The following ADGRV1 variants were observed in gnomAD, a reference collection of about 807,000 sequenced individuals.
ADGRV1 encodes G-protein coupled receptor 98.
ADGRV1 carries 359 observed loss-of-function variants against 596.2 expected under a neutral mutation model. The observed-to-expected ratio is 0.60, with a 90% CI of 0.55 to 0.66. The LOEUF is 0.66. ADGRV1 is among the 30% of genes least tolerant of loss of function. ADGRV1 has a pLI of 0.00. For synonymous variants in ADGRV1, 2,681 were observed against 2,679.2 expected (o/e 1.00, Z -0.02); for missense variants, 7,274 against 7,575.6 (o/e 0.96, Z 1.48).
At chr5:91,043,501 A>G (rs1785539366) in intron 85 of ADGRV1, among the ~76,000 whole-genome samples, 1 of 152,066 alleles carries the variant, frequency 6.6e-6, no homozygotes, top group East Asian at 1.9e-4. Flanking sequence ...CAGACTCGGG[A>G]GCCAGACCAA....
At chr5:90,838,427 C>T (rs1464537699) in intron 77 of ADGRV1, among the ~76,000 whole-genome samples, 2 of 152,060 alleles carry the variant, frequency 1.3e-5, no homozygotes, top group African/African-American at 4.8e-5. Context: ...AATCAATCTC[C>T]AGGCTAGACT....
chr5:90,821,037 T>A (rs1763446357), intron 75 of ADGRV1, among the ~76,000 whole-genome samples: 1 of 152,150 alleles, frequency 6.6e-6, no homozygotes, highest in Admixed American at 6.5e-5. Flanking sequence ...ATTCTCCCCA[T>A]CACTTTCAGG....
chr5:91,121,508 G>A (rs556644447), intron 87 of ADGRV1, among the ~76,000 whole-genome samples: 5 of 152,270 alleles, frequency 3.3e-5, no homozygotes, highest in African/African-American at 1.2e-4. Flanking sequence ...GTCAACCCCC[G>A]GAGCTGATGG....
chr5:91,005,560 A>G (rs958597020), intron 85 of ADGRV1, among the ~76,000 whole-genome samples: 1 of 151,818 alleles, frequency 6.6e-6, no homozygotes, highest in African/African-American at 2.4e-5. Flanking sequence ...AGGCTGGTCT[A>G]TTGCTATTTA....
In ADGRV1 at chr5:91,164,138, A is replaced by G; in HGVS notation, c.*238A>G. On this transcript the variant is annotated 3_prime_UTR_variant, in exon 90 of 90. Coordinates refer to ENST00000405460, the MANE Select transcript of ADGRV1 (RefSeq NM_032119.4). ...TTAATAGGATGTTCATATTCCAAGG[A>G]TATTAGTTGTTTTTTTAATCATCCT... 3.5e-6 allele frequency: 2 copies of G among 575,280 alleles called. No homozygotes were observed. The highest frequency in any genetic ancestry group is 6.4e-6 in the Non-Finnish European group (2 of 313,820). 35.6% of individuals were successfully genotyped at this position (575,280 alleles called of 1,614,324 possible). A position where few individuals can be genotyped will look rare whatever the true frequency, so the allele number is the denominator to read the frequency against.
At chr5:90,962,644 A>AT (rs1311820837) in intron 83 of ADGRV1, among the ~76,000 whole-genome samples, 3 of 152,262 alleles carry the variant, frequency 2.0e-5, no homozygotes, top group Non-Finnish European at 2.9e-5. Context: ...TTCTCCAAGT[A>AT]TTTTTTGTGC....
At chr5:91,102,688 G>C (rs1791493252) in intron 87 of ADGRV1, among the ~76,000 whole-genome samples, 2 of 152,192 alleles carry the variant, frequency 1.3e-5, no homozygotes, top group African/African-American at 2.4e-5. Flanking sequence ...TTGGATTGTG[G>C]CTGGGTCTAG....
intron 85 of ADGRV1, among the ~76,000 whole-genome samples, chr5:90,992,826 TGATA>T (rs1326352732): frequency 2.0e-5 from 3 of 152,230 alleles, no homozygotes; most frequent in Non-Finnish European, 4.4e-5. Flanking sequence ...TTCACTATTT[TGATA>T]GATCTCTTCT....
At chr5:91,120,796 G>C (rs1793244977) in intron 87 of ADGRV1, among the ~76,000 whole-genome samples, 1 of 152,200 alleles carries the variant, frequency 6.6e-6, no homozygotes, top group Admixed American at 6.5e-5. Context: ...AGTCAGGCCA[G>C]AACCTCTTTA....
rs74461148 is a variant in ADGRV1 at position 90,690,294 on chromosome 5, C to T, written c.6706+218C>T. ...TCTCTTAGCATATGTGGAGAAGTCA[C>T]GAACTATTGGCTTTAGGGTGTGACC... On this transcript the variant is annotated intron_variant, in intron 30 of 89. Transcript: ENST00000405460. Among the ~76,000 whole-genome samples, 964 of 152,230 alleles carry T rather than the reference C, an allele frequency of 6.3e-3. 11 individuals are homozygous for T. Among genetic ancestry groups the T allele is most frequent in the African/African-American group, 0.022 (920 of 41,538 alleles).
chr5:90,874,144 C>T (rs1368157525), intron 83 of ADGRV1, among the ~76,000 whole-genome samples: 3 of 152,164 alleles, frequency 2.0e-5, no homozygotes, highest in African/African-American at 7.2e-5. Flanking sequence ...ATTCTCTGAT[C>T]TCATCTTCTA....
chr5:90,694,508 T>C lies in ADGRV1; in HGVS notation c.7752T>C (p.Asn2584=). The stretch of plus-strand genomic sequence containing the variant: ...CCTTTGGAGTGTTTGTGATCTACAA[T>C]ATTAGTCCCAATACTTCCGAAGATG... The part of the protein sequence containing the change: ...GDAFGVFVIY[N]ISPNTSEDGL... Residue 2584 remains asparagine, a synonymous_variant, in exon 33 of 90, where the codon AAT becomes AAC. Coordinates refer to ENST00000405460, the MANE Select transcript of ADGRV1 (RefSeq NM_032119.4). The C allele has an allele frequency of 6.2e-7, 1 of 1,613,892 alleles. No homozygotes were observed. The highest frequency in any genetic ancestry group is 1.1e-5 in the South Asian group (1 of 91,080).
intron 5 of ADGRV1, 33 bp from the exon 6 acceptor site, chr5:90,625,097 C>A: frequency 1.5e-6 from 2 of 1,290,722 alleles, no homozygotes; most frequent in Non-Finnish European, 2.2e-6. Flanking sequence ...AAGTATTTTG[C>A]ATTTATTGAT....
intron 52 of ADGRV1, 99 bp downstream of exon 52, chr5:90,745,894 T>C: frequency 1.4e-6 from 1 of 701,088 alleles, no homozygotes; most frequent in Non-Finnish European, 2.4e-6. Flanking sequence ...ATAGTTTGAG[T>C]GTCATCAGCC....
intron 57 of ADGRV1, among the ~76,000 whole-genome samples, chr5:90,757,800 A>C (rs993152026): frequency 2.0e-5 from 3 of 152,222 alleles, no homozygotes; most frequent in Non-Finnish European, 4.4e-5. Flanking sequence ...TTTTATCAGT[A>C]AGTGGAAAAG....
intron 11 of ADGRV1, among the ~76,000 whole-genome samples, chr5:90,638,491 TTC>T (rs1421857520): frequency 3.3e-5 from 5 of 151,962 alleles, no homozygotes; most frequent in Non-Finnish European, 7.4e-5. Flanking sequence ...TCAACAGCAT[TTC>T]TCAGTGGGTA....
chr5:90,766,040 G>A (rs1167936662), intron 59 of ADGRV1, among the ~76,000 whole-genome samples: 1 of 151,936 alleles, frequency 6.6e-6, no homozygotes, highest in East Asian at 1.9e-4. Flanking sequence ...CTCCCGAGTA[G>A]CTGGGACTAC....
At chr5:90,769,483 G>T (rs1757469475) in intron 59 of ADGRV1, among the ~76,000 whole-genome samples, 1 of 152,138 alleles carries the variant, frequency 6.6e-6, no homozygotes, top group Non-Finnish European at 1.5e-5. Flanking sequence ...GAAATATACA[G>T]AGAACAACTA....
intron 1 of ADGRV1, among the ~76,000 whole-genome samples, chr5:90,589,981 TC>T (rs1324163822): frequency 1.5e-4 from 23 of 152,338 alleles, no homozygotes; most frequent in African/African-American, 5.5e-4. Flanking sequence ...TACATTTTTT[TC>T]TATTTTAATG....
Sources: gnomAD v4.1 joint callset for allele counts (sites outside exome capture counted in the v4.1 genomes callset) on GRCh38, gnomAD v4.1.1 for gene constraint, MANE v1.5 for transcripts, NCBI Gene and HGNC (gene_info 2026-07-23, HGNC 2026-07-21) for gene names.